TLK1: variants seen among roughly 807,000 people sequenced by gnomAD.
TLK1 encodes tousled like kinase 1.
Under a neutral mutation model 105.3 loss-of-function variants are expected in TLK1, and 24 were observed. The observed-to-expected ratio is 0.23, with a 90% confidence interval of 0.17 to 0.32. The LOEUF (loss-of-function observed/expected upper bound fraction) is 0.32. TLK1 is among the 10% of genes least tolerant of loss of function. The pLI is 1.00. For missense variants in TLK1, 558 were observed against 910.5 expected (o/e 0.61, Z 4.98); for synonymous variants, 321 against 310.4 (o/e 1.03, Z -0.36).
intron 1 of TLK1, among the ~76,000 whole-genome samples, chr2:171,149,766 T>C (rs1447045492): frequency 6.6e-6 from 1 of 151,906 alleles, no homozygotes; most frequent in Non-Finnish European, 1.5e-5. Context: ...ATCAGCAGGA[T>C]ATGGTGGCGT....
At chr2:171,027,891 G>A (rs1002546280) in intron 12 of TLK1, among the ~76,000 whole-genome samples, 4 of 152,148 alleles carry the variant, frequency 2.6e-5, no homozygotes, top group African/African-American at 7.2e-5. Context: ...GGCCGGGTGC[G>A]ACAGCTCATG....
intron 2 of TLK1, among the ~76,000 whole-genome samples, chr2:171,086,522 A>G (rs1688981084): frequency 6.6e-6 from 1 of 152,106 alleles, no homozygotes; most frequent in South Asian, 2.1e-4. Flanking sequence ...GCTACTAGAG[A>G]GTCTGAGGCA....
Position 171,055,105 on chromosome 2 carries a change from T to G in TLK1, c.617A>C (p.Gln206Pro). 6.7e-7 allele frequency: 1 copy of G among 1,498,728 alleles called. No individual in the cohort carries two copies. The highest frequency in any genetic ancestry group is 1.5e-5 in the South Asian group (1 of 67,790). The allele number at this position is 1,498,728 out of a possible 1,614,324, so 92.8% of individuals were successfully genotyped here. The change falls in exon 7 of 21, where the codon CAA (glutamine) becomes CCA (proline). Residue 206 changes from glutamine to proline, a missense_variant. Around this residue, in one of 5 missense-constraint regions of TLK1, gnomAD observed 196 missense variants for 239.3 expected, o/e 0.82. Transcript: ENST00000431350. ...TACCTGAATAATTTTAAAGGATAAT[T>G]GCTTTGGTTGTACAATAGGGTGGTC... The part of the protein sequence containing the change: ...FGDHPIVQPK[Q>P]LSFKIIQTDL...
At chr2:171,174,302 C>G (rs1459307904) in intron 1 of TLK1, among the ~76,000 whole-genome samples, 3 of 152,200 alleles carry the variant, frequency 2.0e-5, no homozygotes, top group Middle Eastern at 3.4e-3. Flanking sequence ...CCTACCTATT[C>G]TTTCCCCCAC....
intron 2 of TLK1, among the ~76,000 whole-genome samples, chr2:171,096,397 C>T (rs1243729948): frequency 1.3e-5 from 2 of 152,032 alleles, no homozygotes; most frequent in Middle Eastern, 3.2e-3. Flanking sequence ...TTTCTATATA[C>T]TAATGATCTG....
At chr2:171,079,106 G>C (rs984540665) in intron 3 of TLK1, among the ~76,000 whole-genome samples, 1 of 152,174 alleles carries the variant, frequency 6.6e-6, no homozygotes, top group African/African-American at 2.4e-5. Flanking sequence ...GAGATCTAAA[G>C]AGCAGTAGTG....
intron 1 of TLK1, among the ~76,000 whole-genome samples, chr2:171,179,133 G>A (rs544839365): frequency 6.6e-6 from 1 of 152,260 alleles, no homozygotes; most frequent in East Asian, 1.9e-4. Flanking sequence ...CAACTGTATA[G>A]GGAAATTGGC....
At chr2:171,042,918 G>C (rs1686757774) in intron 11 of TLK1, among the ~76,000 whole-genome samples, 1 of 152,050 alleles carries the variant, frequency 6.6e-6, no homozygotes. Context: ...AGGATAAAGT[G>C]AGAAATAAGG....
intron 2 of TLK1, among the ~76,000 whole-genome samples, chr2:171,107,231 T>C (rs1340445482): frequency 6.6e-6 from 1 of 152,192 alleles, no homozygotes; most frequent in Non-Finnish European, 1.5e-5. Context: ...CAATGTCAGA[T>C]TCTCTGAGAT....
intron 1 of TLK1, among the ~76,000 whole-genome samples, chr2:171,181,705 A>C (rs1033733609): frequency 6.6e-6 from 1 of 152,188 alleles, no homozygotes; most frequent in Non-Finnish European, 1.5e-5. Flanking sequence ...CTAATAGAGC[A>C]ATAACCTATT....
chr2:171,025,231 T>C lies in TLK1; in HGVS notation c.1236+3108A>G, dbSNP rs1031557138. On this transcript the variant is annotated intron_variant, in intron 12 of 20. Coordinates refer to ENST00000431350, the MANE Select transcript of TLK1 (RefSeq NM_012290.5). ...CTAAACTTCATGATTTATTCAAAGG[T>C]AAATATACTTTTTCATATTTTAGTT... Among the ~76,000 whole-genome samples the C allele has an allele frequency of 7.2e-5, 11 of 152,326 alleles. 1 individual carries two copies. The highest frequency in any genetic ancestry group is 1.6e-4 in the Non-Finnish European group (11 of 68,010).
At chr2:171,002,213 T>C (rs1684412717) in intron 18 of TLK1, among the ~76,000 whole-genome samples, 3 of 152,200 alleles carry the variant, frequency 2.0e-5, no homozygotes, top group South Asian at 2.1e-4. Context: ...TCTCCAGCTT[T>C]AGATCCTTCA....
chr2:170,997,829 A>T lies in TLK1; in HGVS notation c.1905-6T>A, dbSNP rs751015001. 1 of 1,564,200 alleles carries T rather than the reference A, an allele frequency of 6.4e-7. No individual in the cohort carries two copies. On this transcript the variant is annotated splice_polypyrimidine_tract_variant and splice_region_variant and intron_variant, in intron 18 of 20. Transcript: ENST00000431350. ...AACACTCAGGAGGTAAATACCTGTA[A>T]GTTTTGTGGGAGAGAAAAAAGGTTA...
chr2:171,229,133 C>G (rs931097949), intron 1 of TLK1, among the ~76,000 whole-genome samples: 1 of 152,200 alleles, frequency 6.6e-6, no homozygotes. Context: ...GTCACATGTT[C>G]TTTTCCAGGA....
intron 4 of TLK1, among the ~76,000 whole-genome samples, chr2:171,059,734 A>G (rs3731991): frequency 0.57 from 86,389 of 151,856 alleles, 26,636 homozygotes; most frequent in East Asian, 0.95. Context: ...GGAGTAGGGG[A>G]GATGGTTTTG....
At chr2:171,107,801 G>A (rs1164445996) in intron 2 of TLK1, among the ~76,000 whole-genome samples, 1 of 152,170 alleles carries the variant, frequency 6.6e-6, no homozygotes, top group Non-Finnish European at 1.5e-5. Flanking sequence ...GCTCAGGCCT[G>A]TAATTCCACC....
chr2:170,998,082 CT>C (rs1684159977), intron 18 of TLK1, among the ~76,000 whole-genome samples: 1 of 82,928 alleles, frequency 1.2e-5, no homozygotes, highest in Non-Finnish European at 2.4e-5. Context: ...ATCTATCTAT[CT>C]ATCTATCTAC....
At chr2:171,001,557 T>G (rs1331022535) in intron 18 of TLK1, among the ~76,000 whole-genome samples, 3 of 152,166 alleles carry the variant, frequency 2.0e-5, no homozygotes, top group African/African-American at 7.2e-5. Flanking sequence ...GTTAGCAGCT[T>G]TATAGCTAAG....
At chr2:171,153,417 G>T (rs1310000265) in intron 1 of TLK1, among the ~76,000 whole-genome samples, 2 of 152,062 alleles carry the variant, frequency 1.3e-5, no homozygotes, top group Non-Finnish European at 2.9e-5. Context: ...CATCTTCCTG[G>T]GTCTGAAATA....
Sources: gnomAD v4.1 joint callset for allele counts (sites outside exome capture counted in the v4.1 genomes callset) on GRCh38, gnomAD v4.1.1 for gene constraint, gnomAD v4.1.1 regional missense constraint, MANE v1.5 for transcripts, NCBI Gene and HGNC (gene_info 2026-07-23, HGNC 2026-07-21) for gene names.